The following LPIN1 variants were observed in gnomAD, a reference collection of about 807,000 sequenced individuals.
LPIN1 encodes the protein lipin 1, also known as phosphatidate phosphatase LPIN1.
A neutral mutation model predicts 107.5 loss-of-function variants in LPIN1; 71 were observed. The observed-to-expected ratio is 0.66, with a 90% CI of 0.55 to 0.80. The LOEUF (loss-of-function observed/expected upper bound fraction) is 0.80, where lower values mean the gene tolerates loss of function less well. Among genes scored for constraint, LPIN1 ranks in the 30% least tolerant of loss-of-function variants. LPIN1 has a pLI of 0.00. For synonymous variants in LPIN1, 445 were observed against 452.6 expected, an observed-to-expected ratio of 0.98 and a Z score of 0.21; for missense variants, 1,043 against 1,160.6, an observed-to-expected ratio of 0.90 and a Z score of 1.47.
At chr2:11,739,287 G>T (rs752750010) in intron 1 of LPIN1, among the ~76,000 whole-genome samples, 7 of 152,188 alleles carry the variant, frequency 4.6e-5, no homozygotes, top group Non-Finnish European at 7.3e-5. Flanking sequence ...CAGTCAGAGG[G>T]CTCCAATCCA....
At chr2:11,815,440 CTCA>C (rs1286463666) in intron 18 of LPIN1, among the ~76,000 whole-genome samples, 200 bp downstream of exon 18, 1 of 152,242 alleles carries the variant, frequency 6.6e-6, no homozygotes, top group Non-Finnish European at 1.5e-5. Context: ...CGAGTCCAGA[CTCA>C]GGAGCTTGGC....
At chr2:11,690,723 T>C (rs1292137512) in intron 1 of LPIN1, among the ~76,000 whole-genome samples, 1 of 152,212 alleles carries the variant, frequency 6.6e-6, no homozygotes, top group African/African-American at 2.4e-5. Flanking sequence ...TTATGTTTCC[T>C]GTTAGGTTTT....
chr2:11,803,172 C>G lies in LPIN1; in HGVS notation c.2013+139C>G. The G allele has an allele frequency of 8.8e-7, 1 of 1,142,484 alleles. No homozygotes were observed. The allele number at this position is 1,142,484 out of a possible 1,614,324, so 70.8% of individuals were successfully genotyped here. On this transcript the variant is annotated intron_variant, in intron 15 of 20. Transcript: ENST00000674199. This position sits in a 1 kb window ranked among gnomAD's most constrained non-coding sequence, Gnocchi z 4.2. ...GGGCCTGCAATCCCTCAACTGGGTA[C>G]CCGCTGTTTCCACCCCAACTCCAGC...
chr2:11,724,702 A>ATT, intron 1 of LPIN1: 3 of 938,348 alleles, frequency 3.2e-6, no homozygotes, highest in Non-Finnish European at 3.8e-6. Flanking sequence ...CCGGTGACAC[A>ATT]GGTCAATGTG....
intron 7 of LPIN1, among the ~76,000 whole-genome samples, chr2:11,780,915 A>G (rs1238586973): frequency 3.9e-5 from 6 of 152,222 alleles, no homozygotes; most frequent in Non-Finnish European, 5.9e-5. Flanking sequence ...GTTTACATGT[A>G]GGTACATAAC....
chr2:11,724,818 T>G (rs1274502480), intron 1 of LPIN1, among the ~76,000 whole-genome samples: 1 of 152,232 alleles, frequency 6.6e-6, no homozygotes, highest in East Asian at 1.9e-4. Flanking sequence ...TTCTGTTTGC[T>G]GGTTCGCTCT....
intron 1 of LPIN1, among the ~76,000 whole-genome samples, chr2:11,700,939 G>A (rs1226638427): frequency 1.3e-5 from 2 of 152,162 alleles, no homozygotes; most frequent in Non-Finnish European, 2.9e-5. Context: ...TCCTGGGCGG[G>A]ATACCTCAGT....
chr2:11,735,549 A>T (rs1022591018), intron 1 of LPIN1, among the ~76,000 whole-genome samples: 4 of 152,170 alleles, frequency 2.6e-5, no homozygotes, highest in Non-Finnish European at 4.4e-5. Context: ...TCAACCCATT[A>T]GTCCTTCAAC....
At chr2:11,810,812 C>T (rs376430312) in intron 17 of LPIN1, among the ~76,000 whole-genome samples, 2 of 152,322 alleles carry the variant, frequency 1.3e-5, no homozygotes, top group East Asian at 1.9e-4. Flanking sequence ...TGAGAAACTG[C>T]AGTCTAGAAG....
At position 11,771,689 on chromosome 2, in the gene LPIN1, G is replaced by A; in HGVS notation, c.596+10G>A. On this transcript the variant is annotated intron_variant, in intron 4 of 20. Transcript: ENST00000674199. This position sits in a 1 kb window ranked among gnomAD's most constrained non-coding sequence, Gnocchi z 4.8. ...TGCTGGAGAGCAGCAGGTAATAACT[G>A]TCCAGGGTGGAGGGGCTGTGCCAGA... 1 of 1,579,516 alleles carries A rather than the reference G, an allele frequency of 6.3e-7. No individual in the cohort carries two copies. Among genetic ancestry groups the A allele is most frequent in the Non-Finnish European group, 8.6e-7 (1 of 1,162,576 alleles).
Position 11,800,563 on chromosome 2 carries a change from C to T in LPIN1, c.1887-2344C>T, listed in dbSNP as rs80281982. On this transcript the variant is annotated intron_variant, in intron 14 of 20. Transcript: ENST00000674199. ...GCTGGACTATAGGCAAGAACCACCA[C>T]GCCTGGCTAATTTTTAAATTTTTTG... 3.5e-4 allele frequency among the ~76,000 whole-genome samples: 53 copies of T among 152,192 alleles called. 2 individuals carry two copies. In the East Asian group the frequency reaches 8.3e-3, roughly 24 times the overall value.
chr2:11,695,521 T>C (rs527736577), intron 1 of LPIN1, among the ~76,000 whole-genome samples: 15 of 152,226 alleles, frequency 9.9e-5, no homozygotes, highest in Middle Eastern at 3.4e-3. Flanking sequence ...AGAAGGCATC[T>C]AGAGATGCAG....
chr2:11,771,711 C>G lies in LPIN1; in HGVS notation c.596+32C>G, dbSNP rs900844984. 1 of 1,530,896 alleles carries G rather than the reference C, an allele frequency of 6.5e-7. No individual in the cohort carries two copies. The highest frequency in any genetic ancestry group is 8.9e-7 in the Non-Finnish European group (1 of 1,124,742). 94.8% of individuals were successfully genotyped at this position (1,530,896 alleles called of 1,614,324 possible). On this transcript the variant is annotated intron_variant, in intron 4 of 20. Coordinates refer to ENST00000674199, the MANE Select transcript of LPIN1 (RefSeq NM_001349206.2). This position sits in a 1 kb window ranked among gnomAD's most constrained non-coding sequence, Gnocchi z 4.8. ...ACTGTCCAGGGTGGAGGGGCTGTGC[C>G]AGAATCAGACAGTTAACTGTTCAAG...
At chr2:11,811,758 A>C (rs1467312165) in intron 17 of LPIN1, among the ~76,000 whole-genome samples, 1 of 152,252 alleles carries the variant, frequency 6.6e-6, no homozygotes, top group East Asian at 1.9e-4. Flanking sequence ...AGGCCAAGGC[A>C]GGTGGATCAT....
intron 1 of LPIN1, among the ~76,000 whole-genome samples, chr2:11,728,347 A>G (rs2148542839): frequency 6.6e-6 from 1 of 152,184 alleles, no homozygotes; most frequent in Admixed American, 6.5e-5. Context: ...GTGATTTTTG[A>G]CATAGCTGGT....
rs1280818962 is a variant in LPIN1 at position 11,713,940 on chromosome 2, C to T, written c.138+128C>T. The T allele has an allele frequency of 6.8e-6, 4 of 589,436 alleles. No homozygotes were observed. The East Asian group carries it at 1.1e-4, about 17-fold the overall frequency. The allele number at this position is 589,436 out of a possible 1,614,324, so 36.5% of individuals were successfully genotyped here. ...GTCTCCAAGGCAGGCCTATTCCTTT[C>T]CGCTGATGCTTTCAGAGATTGCCCG... On this transcript the variant is annotated intron_variant, in intron 2 of 21. Coordinates refer to the LPIN1 transcript ENST00000449576.
chr2:11,807,410 G>T (rs1558280992), intron 17 of LPIN1, among the ~76,000 whole-genome samples: 1 of 152,144 alleles, frequency 6.6e-6, no homozygotes, highest in African/African-American at 2.4e-5. Flanking sequence ...AAACCCTCAT[G>T]GGTCAGGATG....
At chr2:11,750,650 G>A (rs558602984) in intron 1 of LPIN1, among the ~76,000 whole-genome samples, 5 of 152,372 alleles carry the variant, frequency 3.3e-5, no homozygotes, top group African/African-American at 1.2e-4. Flanking sequence ...TGAGGTGGCT[G>A]TGCTGATGTC....
At chr2:11,763,942 C>T (rs928367253) in intron 1 of LPIN1, among the ~76,000 whole-genome samples, 3 of 146,750 alleles carry the variant, frequency 2.0e-5, no homozygotes, top group Non-Finnish European at 3.0e-5. Context: ...AAAACAAATT[C>T]GGTGACACTG....
Sources: allele counts gnomAD v4.1 joint callset (sites outside exome capture counted in the v4.1 genomes callset), GRCh38; gene constraint gnomAD v4.1.1; non-coding constraint Gnocchi (gnomAD v3.1); transcripts MANE v1.5; gene names NCBI Gene and HGNC (gene_info 2026-07-23, HGNC 2026-07-21).